Variants in NAP1L1 observed in about 807,000 individuals in gnomAD.
NAP1L1 encodes the protein nucleosome assembly protein 1 like 1, also known as nucleosome assembly protein 1-like 1.
A neutral mutation model predicts 58.9 loss-of-function variants in NAP1L1; 9 were observed. That is an observed-to-expected ratio of 0.15 (90% CI 0.09 to 0.27). The LOEUF is 0.27. NAP1L1 is among the 10% of genes least tolerant of loss of function. The probability of loss-of-function intolerance (pLI) is 1.00; values close to 1 mark genes in which losing one functional copy is unlikely to be tolerated. For missense variants in NAP1L1, 302 were observed against 458.8 expected (o/e 0.66, Z 3.12); for synonymous variants, 130 against 138.3 (o/e 0.94, Z 0.42).
At chr12:76,074,415 T>C (rs1467818081) in intron 1 of NAP1L1, 176 bp from the exon 2 acceptor site, 1 of 936,268 alleles carries the variant, frequency 1.1e-6, no homozygotes, top group Non-Finnish European at 1.3e-6. Flanking sequence ...AAATTCTTCC[T>C]TACTAGTACC....
At chr12:76,048,861 G>C (rs1049512227) in intron 14 of NAP1L1, 1 of 410,656 alleles carries the variant, frequency 2.4e-6, no homozygotes, top group Non-Finnish European at 4.3e-6. Context: ...CTGCTCCCCA[G>C]TTCCCGAACA....
intron 1 of NAP1L1, among the ~76,000 whole-genome samples, chr12:76,081,770 A>C (rs2137122651): frequency 6.6e-6 from 1 of 152,362 alleles, no homozygotes; most frequent in African/African-American, 2.4e-5. Context: ...ACATATGGAT[A>C]GGTGTAAAGT....
chr12:76,046,104 A>T lies in NAP1L1; in HGVS notation c.*2325T>A, dbSNP rs1174376186. 6.6e-6 allele frequency: 1 copy of T among 151,704 alleles called. No homozygotes were observed. The highest frequency in any genetic ancestry group is 2.4e-5 in the African/African-American group (1 of 41,352). The allele number at this position is 151,704 out of a possible 1,614,324, so 9.4% of individuals were successfully genotyped here. A position where few individuals can be genotyped will look rare whatever the true frequency, so the allele number is the denominator to read the frequency against. ...AAAATAGCTCCCTCTAGACATCACT[A>T]CTCTCCACTCTTCAAAAAAAAAGTA... On this transcript the variant is annotated 3_prime_UTR_variant, in exon 15 of 15. Coordinates refer to ENST00000618691, the MANE Select transcript of NAP1L1 (RefSeq NM_004537.7).
At position 76,041,030 on chromosome 12, in the gene NAP1L1, G is replaced by A. The variant is rs1467172825; in HGVS notation, c.*7399C>T. 1 of 152,174 alleles carries A rather than the reference G, an allele frequency of 6.6e-6. No individual in the cohort carries two copies. Among genetic ancestry groups the A allele is most frequent in the African/African-American group, 2.4e-5 (1 of 41,456 alleles). The allele number at this position is 152,174 out of a possible 1,614,324, so 9.4% of individuals were successfully genotyped here. On this transcript the variant is annotated 3_prime_UTR_variant, in exon 15 of 15. Coordinates refer to ENST00000618691, the MANE Select transcript of NAP1L1 (RefSeq NM_004537.7). ...ACATAGATTTGACTGAAGGAAGCTG[G>A]GGCCCCTAGCCCCTGCATTATGAAA...
rs995520487 is a variant in NAP1L1 at position 76,044,251 on chromosome 12, G to C, written c.*4178C>G. On this transcript the variant is annotated 3_prime_UTR_variant, in exon 15 of 15. Coordinates refer to ENST00000618691, the MANE Select transcript of NAP1L1 (RefSeq NM_004537.7). ...CGGGAGATGACAGCTGTAGTGAGCC[G>C]AGATCATGCCACTGCACTCCAGCCT... 5.3e-5 allele frequency: 8 copies of C among 152,244 alleles called. No homozygotes were observed. The highest frequency in any genetic ancestry group is 8.8e-5 in the Non-Finnish European group (6 of 68,120). The allele number at this position is 152,244 out of a possible 1,614,324, so 9.4% of individuals were successfully genotyped here.
At chr12:76,068,845 A>T in intron 3 of NAP1L1, 64 bp downstream of exon 3, 1 of 1,233,442 alleles carries the variant, frequency 8.1e-7, no homozygotes, top group East Asian at 2.3e-5. Flanking sequence ...ACTGGTACTT[A>T]TAACTACCCT....
In NAP1L1 at chr12:76,053,635, A is replaced by G. The variant is rs1423500440; in HGVS notation, c.770+135T>C. ...GAGAATTACAGGAAACTTGATAAGC[A>G]CTTTTCAGAAAACATATTACCAAAA... On this transcript the variant is annotated intron_variant, in intron 9 of 14. Coordinates refer to ENST00000618691, the MANE Select transcript of NAP1L1 (RefSeq NM_004537.7). 1.5e-5 allele frequency: 17 copies of G among 1,108,066 alleles called. No homozygotes were observed. The African/African-American group carries it at 2.6e-4, about 17-fold the overall frequency. The allele number at this position is 1,108,066 out of a possible 1,614,324, so 68.6% of individuals were successfully genotyped here.
intron 2 of NAP1L1, among the ~76,000 whole-genome samples, chr12:76,073,489 T>C: frequency 1.4e-5 from 1 of 70,630 alleles, no homozygotes; most frequent in South Asian, 9.2e-4. Context: ...CCAATACTTC[T>C]CCACAATAAG....
chr12:76,045,860 GACTT>G lies in NAP1L1; in HGVS notation c.*2565_*2568del, dbSNP rs1451560770. 1 of 152,078 alleles carries G rather than the reference GACTT, an allele frequency of 6.6e-6. No individual in the cohort carries two copies. The highest frequency in any genetic ancestry group is 2.4e-5 in the African/African-American group (1 of 41,536). The allele number at this position is 152,078 out of a possible 1,614,324, so 9.4% of individuals were successfully genotyped here. A position where few individuals can be genotyped will look rare whatever the true frequency, so the allele number is the denominator to read the frequency against. On this transcript the variant is annotated 3_prime_UTR_variant, in exon 15 of 15. Coordinates refer to ENST00000618691, the MANE Select transcript of NAP1L1 (RefSeq NM_004537.7). Reference sequence around the variant, plus strand: ...CACCATTTCTAACAGGAAAAAATGAGACTTACTTGGCAGTGTGCATGGGCTGCTG... The same window carrying G: ...CACCATTTCTAACAGGAAAAAATGAGACTTGGCAGTGTGCATGGGCTGCTG...
In NAP1L1 at chr12:76,058,194, C is replaced by CATAT. The variant is rs3082540; in HGVS notation, c.429+1600_429+1603dup. ...ATATGGCCAAAGGGAGAGAGGCCTA[C>CATAT]ATATATATATATATATATATATATA... On this transcript the variant is annotated intron_variant, in intron 6 of 14. Transcript: ENST00000618691. 2,119 of 370,670 alleles carry CATAT rather than the reference C, an allele frequency of 5.7e-3. 25 individuals carry two copies. The highest frequency in any genetic ancestry group is 0.018 in the African/African-American group (659 of 37,410). The allele number at this position is 370,670 out of a possible 1,614,324, so 23.0% of individuals were successfully genotyped here.
intron 7 of NAP1L1, among the ~76,000 whole-genome samples, chr12:76,055,572 C>G (rs1383914877): frequency 6.6e-6 from 1 of 152,206 alleles, no homozygotes; most frequent in Non-Finnish European, 1.5e-5. Flanking sequence ...GGGGCTCACT[C>G]AAGAAATGCT....
At chr12:76,049,630 C>T in intron 13 of NAP1L1, 126 bp downstream of exon 13, 1 of 1,526,830 alleles carries the variant, frequency 6.5e-7, no homozygotes, top group Non-Finnish European at 8.9e-7. Context: ...ATTCTAAAAT[C>T]ATGTTTTCCA....
chr12:76,082,271 A>C (rs1256688787), intron 1 of NAP1L1, among the ~76,000 whole-genome samples: 2 of 152,248 alleles, frequency 1.3e-5, no homozygotes, highest in Non-Finnish European at 2.9e-5. Context: ...TTGAGAATTT[A>C]GAATCAACTC....
Position 76,055,088 on chromosome 12 carries a change from T to C in NAP1L1, c.561A>G (p.Glu187=). 6.3e-7 allele frequency: 1 copy of C among 1,587,528 alleles called. No individual in the cohort carries two copies. Among genetic ancestry groups the C allele is most frequent in the Non-Finnish European group, 8.6e-7 (1 of 1,168,660 alleles). The stretch of plus-strand genomic sequence containing the variant: ...AGTGCTTCAGAATAGGTTCATCGTG[T>C]TCCTTCAAATTAAAAAAATAATAAA... ...NVDLLSDMVQ[E]HDEPILKHLK... The change falls in exon 8 of 15, where the codon GAA becomes GAG. Residue 187 remains glutamate, a splice_region_variant and synonymous_variant. Transcript: ENST00000618691.
At chr12:76,054,053 T>A (rs1468523588) in intron 8 of NAP1L1, 144 bp from the exon 9 acceptor site, 4 of 1,023,172 alleles carry the variant, frequency 3.9e-6, no homozygotes, top group Non-Finnish European at 5.6e-6. Flanking sequence ...TTTTTGAGAC[T>A]GAGTCTTGCA....
Position 76,074,239 on chromosome 12 carries a change from T to A in NAP1L1, c.-20A>T. On this transcript the variant is annotated splice_region_variant and 5_prime_UTR_variant, in exon 2 of 15. Transcript: ENST00000618691. Reference sequence around the variant, plus strand: ...TGCCATGTTGTAAGAACTCCAAATATCTATGGAGAGAAACATCAATGTTAA... The same window carrying A: ...TGCCATGTTGTAAGAACTCCAAATAACTATGGAGAGAAACATCAATGTTAA... 6.3e-7 allele frequency: 1 copy of A among 1,578,678 alleles called. No homozygotes were observed. Among genetic ancestry groups the A allele is most frequent in the Non-Finnish European group, 8.6e-7 (1 of 1,168,000 alleles).
chr12:76,066,046 T>C (rs1036604278), intron 4 of NAP1L1, among the ~76,000 whole-genome samples: 3 of 141,174 alleles, frequency 2.1e-5, no homozygotes, highest in East Asian at 2.0e-4. Context: ...GATTAGTGAA[T>C]AGTGTTTAAA....
chr12:76,055,132 C>T (rs368453049), intron 7 of NAP1L1, 42 bp from the exon 8 acceptor site: 168 of 1,396,790 alleles, frequency 1.2e-4, no homozygotes, highest in Non-Finnish European at 1.5e-4. Context: ...ACATGGCATT[C>T]GAGGACTGTG....
intron 3 of NAP1L1, among the ~76,000 whole-genome samples, chr12:76,068,012 G>A (rs920047629): frequency 6.6e-6 from 1 of 152,186 alleles, no homozygotes; most frequent in Admixed American, 6.6e-5. Flanking sequence ...CAAACAAAAT[G>A]TGGTTTTCAA....
Sources: gnomAD v4.1 joint callset for allele counts (sites outside exome capture counted in the v4.1 genomes callset) on GRCh38, gnomAD v4.1.1 for gene constraint, MANE v1.5 for transcripts, NCBI Gene and HGNC (gene_info 2026-07-23, HGNC 2026-07-21) for gene names.